RHBDD1: variants seen among roughly 807,000 people sequenced by gnomAD.
RHBDD1 encodes the protein rhomboid-related protein 4.
RHBDD1 carries 38 observed loss-of-function variants against 36.3 expected under a neutral mutation model. The ratio of observed to expected loss-of-function variants is 1.05; its 90% CI spans 0.81 to 1.37. The LOEUF (loss-of-function observed/expected upper bound fraction) is 1.37, where lower values mean the gene tolerates loss of function less well. Ranked by LOEUF, RHBDD1 falls within the 40% of genes most tolerant of loss-of-function variation. The pLI is 0.00. For synonymous variants in RHBDD1, 151 were observed against 136.5 expected (o/e 1.11, Z -0.74); for missense variants, 393 against 377.6 (o/e 1.04, Z -0.34).
At chr2:226,827,051 T>C in the RHBDD1 span, among the ~76,000 whole-genome samples, 169 of 152,316 alleles carry the variant, frequency 1.1e-3, no homozygotes, top group African/African-American at 3.8e-3. Context: ...CTCGGCCTCC[T>C]GGGCTCAAGC....
intron 8 of RHBDD1, among the ~76,000 whole-genome samples, chr2:226,957,231 A>G (rs1404322938): frequency 2.0e-5 from 3 of 152,230 alleles, no homozygotes; most frequent in Admixed American, 6.5e-5. Flanking sequence ...AGTGGGTAAC[A>G]TGCAGGATCT....
chr2:226,929,450 T>A (rs1253479142), intron 8 of RHBDD1, among the ~76,000 whole-genome samples: 2 of 151,998 alleles, frequency 1.3e-5, no homozygotes, highest in African/African-American at 4.8e-5. Context: ...AAGTCCAGCA[T>A]CCATTTATGA....
chr2:226,959,071 C>T (rs556772765), intron 8 of RHBDD1, among the ~76,000 whole-genome samples: 6 of 152,010 alleles, frequency 3.9e-5, no homozygotes, highest in South Asian at 4.2e-4. Context: ...CTTCAGGAGC[C>T]GAACAGATAA....
chr2:226,859,706 T>C (rs969538723), intron 3 of RHBDD1, among the ~76,000 whole-genome samples: 9 of 152,312 alleles, frequency 5.9e-5, no homozygotes, highest in African/African-American at 2.2e-4. Context: ...GCATAGTGAC[T>C]GATGCAGAGA....
At chr2:226,966,013 A>C (rs1209822724) in intron 8 of RHBDD1, among the ~76,000 whole-genome samples, 3 of 152,186 alleles carry the variant, frequency 2.0e-5, no homozygotes, top group Non-Finnish European at 4.4e-5. Context: ...CAGCACATCA[A>C]AAAGTTAATT....
the RHBDD1 span, among the ~76,000 whole-genome samples, chr2:226,824,348 G>C: frequency 6.6e-6 from 1 of 151,942 alleles, no homozygotes; most frequent in African/African-American, 2.4e-5. Context: ...TCCACTTAAA[G>C]ACTAGCATCC....
intron 3 of RHBDD1, among the ~76,000 whole-genome samples, chr2:226,844,322 T>A (rs1165330049): frequency 8.2e-6 from 1 of 122,054 alleles, no homozygotes; most frequent in East Asian, 2.4e-4. Flanking sequence ...CCAATGGGAG[T>A]GGGAGACAGA....
chr2:226,851,414 C>A (rs1174774256), intron 3 of RHBDD1, among the ~76,000 whole-genome samples: 2 of 151,874 alleles, frequency 1.3e-5, no homozygotes, highest in African/African-American at 4.8e-5. Flanking sequence ...CCTAAAGAAA[C>A]CAGTTGTTCA....
At chr2:226,834,040 GAACAT>G (rs1192396803), upstream of RHBDD1, among the ~76,000 whole-genome samples, 1 of 152,000 alleles carries the variant, frequency 6.6e-6, no homozygotes, top group Non-Finnish European at 1.5e-5. Flanking sequence ...ATTTGAAACA[GAACAT>G]AATTACCTAA....
At chr2:226,886,571 G>A (rs964945201) in intron 5 of RHBDD1, among the ~76,000 whole-genome samples, 2 of 152,160 alleles carry the variant, frequency 1.3e-5, no homozygotes, top group African/African-American at 4.8e-5. Context: ...CTCACACAAA[G>A]ATGACAAGAT....
chr2:226,992,740 A>T (rs1478998929), intron 8 of RHBDD1, among the ~76,000 whole-genome samples: 1 of 152,238 alleles, frequency 6.6e-6, no homozygotes. Context: ...GGGTTTGGGC[A>T]GGAAGGGCGG....
intron 8 of RHBDD1, among the ~76,000 whole-genome samples, chr2:226,967,771 G>A (rs983935283): frequency 4.6e-5 from 7 of 152,236 alleles, no homozygotes; most frequent in African/African-American, 1.7e-4. Flanking sequence ...TTGCAAATGT[G>A]TGTGTGAGAG....
At chr2:226,949,181 G>A (rs748479667) in intron 8 of RHBDD1, among the ~76,000 whole-genome samples, 14 of 152,258 alleles carry the variant, frequency 9.2e-5, no homozygotes, top group Middle Eastern at 3.4e-3. Flanking sequence ...AATCAATATC[G>A]TGAAAATGGC....
chr2:226,878,521 A>G (rs1012935008), intron 5 of RHBDD1, among the ~76,000 whole-genome samples: 6 of 152,170 alleles, frequency 3.9e-5, no homozygotes, highest in African/African-American at 9.7e-5. Flanking sequence ...GTGAGTTGAA[A>G]TGCTTGTCTC....
chr2:226,959,740 T>C (rs1420871476), intron 8 of RHBDD1, among the ~76,000 whole-genome samples: 2 of 152,234 alleles, frequency 1.3e-5, no homozygotes, highest in African/African-American at 4.8e-5. Flanking sequence ...TAAGGACATA[T>C]GCTTTCATTA....
chr2:226,961,797 T>G (rs947555961), intron 8 of RHBDD1, among the ~76,000 whole-genome samples: 2 of 152,238 alleles, frequency 1.3e-5, no homozygotes, highest in Non-Finnish European at 2.9e-5. Context: ...CTGGTCTGCC[T>G]GCTTTCCACA....
intron 5 of RHBDD1, among the ~76,000 whole-genome samples, chr2:226,887,483 G>A (rs1243392694): frequency 6.6e-5 from 10 of 152,136 alleles, no homozygotes; most frequent in Non-Finnish European, 1.5e-4. Context: ...GTTAAAGGGT[G>A]GTATAAATTC....
intron 5 of RHBDD1, among the ~76,000 whole-genome samples, chr2:226,873,583 G>T (rs551418801): frequency 1.3e-5 from 2 of 152,344 alleles, no homozygotes; most frequent in South Asian, 4.1e-4. Context: ...GGTTGGTGCA[G>T]TGATGACTCT....
At chr2:226,942,035 C>A (rs192397074) in intron 8 of RHBDD1, among the ~76,000 whole-genome samples, 5 of 152,254 alleles carry the variant, frequency 3.3e-5, no homozygotes, top group Admixed American at 3.3e-4. Context: ...CCAGATGTCT[C>A]TATTCCTAGT....
Sources: gnomAD v4.1 joint callset for allele counts (sites outside exome capture counted in the v4.1 genomes callset) on GRCh38, gnomAD v4.1.1 for gene constraint, MANE v1.5 for transcripts, NCBI Gene and HGNC (gene_info 2026-07-23, HGNC 2026-07-21) for gene names.